KCNT2: variants seen among roughly 807,000 people sequenced by gnomAD.
KCNT2 encodes potassium channel subfamily T member 2.
Under a neutral mutation model 153.8 loss-of-function variants are expected in KCNT2, and 67 were observed. The ratio of observed to expected loss-of-function variants is 0.44; its 90% CI spans 0.36 to 0.53. The LOEUF (loss-of-function observed/expected upper bound fraction) is 0.53. Ranked by LOEUF, KCNT2 falls within the 20% of genes least tolerant of loss-of-function variation. The pLI, the probability that KCNT2 is intolerant of heterozygous loss-of-function variation, is 0.00. For synonymous variants in KCNT2, 500 were observed against 458.8 expected, an observed-to-expected ratio of 1.09 and a Z score of -1.15; for missense variants, 975 against 1,354.8, an observed-to-expected ratio of 0.72 and a Z score of 4.40.
At position 196,329,879 on chromosome 1, in the gene KCNT2, A is replaced by ATGTGTGTG. The variant is rs57881763; in HGVS notation, c.2103+1269_2103+1276dup. Among the ~76,000 whole-genome samples the ATGTGTGTG allele has an allele frequency of 6.4e-5, 8 of 124,788 alleles. 1 individual carries two copies. The highest frequency in any genetic ancestry group is 2.2e-4 in the African/African-American group (7 of 31,210). The allele number at this position is 124,788 out of a possible 152,430, so 81.9% of individuals were successfully genotyped here. A position where few individuals can be genotyped will look rare whatever the true frequency, so the allele number is the denominator to read the frequency against. On this transcript the variant is annotated intron_variant, in intron 18 of 27. Transcript: ENST00000294725. ...TATATATGTGTATATATACACTTAT[A>ATGTGTGTG]TGTGTGTGTGTGTGTGTGTGTGTGT...
chr1:196,593,358 A>G (rs895390159), intron 1 of KCNT2, among the ~76,000 whole-genome samples: 23 of 149,162 alleles, frequency 1.5e-4, no homozygotes, highest in Admixed American at 4.7e-4. Flanking sequence ...ATGTGTATAT[A>G]TGTATTTTTT....
chr1:196,258,252 C>G lies in KCNT2; in HGVS notation c.3153G>C (p.Glu1051Asp). 1 of 1,613,982 alleles carries G rather than the reference C, an allele frequency of 6.2e-7. No homozygotes were observed. Among genetic ancestry groups the G allele is most frequent in the Non-Finnish European group, 8.5e-7 (1 of 1,179,892 alleles). The change falls in exon 26 of 28, where the codon GAG (glutamate) becomes GAC (aspartate). Residue 1051 changes from glutamate to aspartate, a missense_variant. By Grantham distance (45) the Glu-to-Asp change is conservative. This residue lies in a region of KCNT2 where 241 missense variants were observed against 271.1 expected (regional missense o/e 0.89). Coordinates refer to ENST00000294725, the MANE Select transcript of KCNT2 (RefSeq NM_198503.5). ...TTCTATTTTTCACAAGTTCAGCAAG[C>G]TCTTGTCTTTCTGACCTCCTGTAGA... Reference protein sequence around the residue: ...LNLYRRSERQELAELVKNRMK... With the variant: ...LNLYRRSERQDLAELVKNRMK...
At chr1:196,606,721 A>G (rs1261041019) in intron 1 of KCNT2, among the ~76,000 whole-genome samples, 1 of 152,202 alleles carries the variant, frequency 6.6e-6, no homozygotes, top group Non-Finnish European at 1.5e-5. Context: ...TGTTTAATCT[A>G]TCTCACACTT....
chr1:196,308,354 G>C (rs966721684), intron 21 of KCNT2, among the ~76,000 whole-genome samples: 1 of 151,924 alleles, frequency 6.6e-6, no homozygotes, highest in African/African-American at 2.4e-5. Flanking sequence ...TATCTTTTCA[G>C]TGTCTTTAGA....
intron 22 of KCNT2, among the ~76,000 whole-genome samples, chr1:196,293,016 C>T (rs868370490): frequency 6.6e-6 from 1 of 151,188 alleles, no homozygotes; most frequent in African/African-American, 2.4e-5. Flanking sequence ...AAAACCAGTC[C>T]CATTCACAAT....
chr1:196,554,980 A>G (rs1430219662), intron 1 of KCNT2, among the ~76,000 whole-genome samples: 1 of 151,218 alleles, frequency 6.6e-6, no homozygotes, highest in Admixed American at 6.6e-5. Context: ...GACACAGGGA[A>G]CAAACTTCAA....
At chr1:196,360,634 A>C (rs748126930) in intron 14 of KCNT2, among the ~76,000 whole-genome samples, 3 of 151,626 alleles carry the variant, frequency 2.0e-5, no homozygotes, top group African/African-American at 4.9e-5. Flanking sequence ...GTGTCTTCCG[A>C]AGAAGAGGAA....
chr1:196,457,915 C>T (rs1676818522), intron 8 of KCNT2, among the ~76,000 whole-genome samples: 1 of 151,786 alleles, frequency 6.6e-6, no homozygotes, highest in Admixed American at 6.6e-5. Flanking sequence ...GATTTGAGCT[C>T]TTTGCAGTGA....
At chr1:196,571,647 T>G (rs915503670) in intron 1 of KCNT2, among the ~76,000 whole-genome samples, 1 of 152,102 alleles carries the variant, frequency 6.6e-6, no homozygotes, top group Non-Finnish European at 1.5e-5. Flanking sequence ...AATCATGCCC[T>G]AATGCATATC....
At chr1:196,469,153 T>G in intron 5 of KCNT2, 85 bp from the exon 6 acceptor site, 11 of 742,482 alleles carry the variant, frequency 1.5e-5, no homozygotes, top group Admixed American at 2.2e-5. Flanking sequence ...AGAATTTCTC[T>G]AGCAATAAGG....
chr1:196,530,438 T>C (rs940006309), intron 1 of KCNT2, among the ~76,000 whole-genome samples: 8 of 152,044 alleles, frequency 5.3e-5, no homozygotes, highest in African/African-American at 1.9e-4. Flanking sequence ...AATAGTATTG[T>C]AATCACAAAT....
At chr1:196,267,691 T>G (rs1265952087) in intron 25 of KCNT2, among the ~76,000 whole-genome samples, 1 of 152,180 alleles carries the variant, frequency 6.6e-6, no homozygotes, top group East Asian at 1.9e-4. Context: ...CAGCAACTGC[T>G]GGTTGCATAC....
intron 19 of KCNT2, among the ~76,000 whole-genome samples, chr1:196,320,448 C>A (rs902656715): frequency 1.3e-5 from 2 of 151,666 alleles, no homozygotes. Context: ...TCTGTAAAAA[C>A]AAACAATATG....
rs1028686047 is a variant in KCNT2 at position 196,608,440 on chromosome 1, G to T, written c.-131C>A. ...CGAGAGAGGGATGGGAGAAGGGGAA[G>T]GGGACAGGGAGGGGGAGGGGGTCCG... On this transcript the variant is annotated 5_prime_UTR_variant, in exon 1 of 28. Coordinates refer to ENST00000294725, the MANE Select transcript of KCNT2 (RefSeq NM_198503.5). The T allele has an allele frequency of 1.5e-5, 11 of 717,952 alleles. No homozygotes were observed. Among genetic ancestry groups the T allele is most frequent in the Non-Finnish European group, 2.7e-5 (11 of 409,210 alleles). The allele number at this position is 717,952 out of a possible 1,614,324, so 44.5% of individuals were successfully genotyped here.
chr1:196,255,096 A>G (rs1229683334), intron 26 of KCNT2, among the ~76,000 whole-genome samples: 1 of 151,684 alleles, frequency 6.6e-6, no homozygotes, highest in Non-Finnish European at 1.5e-5. Context: ...CATAAAATCC[A>G]TCAATAGATA....
In KCNT2 at chr1:196,326,783, A is replaced by T; in HGVS notation, c.2210T>A (p.Val737Asp). The change falls in exon 19 of 28, where the codon GTT becomes GAT. Residue 737 changes from valine to aspartate, a missense_variant. Physicochemically the swap from Val to Asp is radical, Grantham distance 152. Around this residue, in one of 6 missense-constraint regions of KCNT2, gnomAD observed 325 missense variants for 388.1 expected, o/e 0.84. Transcript: ENST00000294725. ...TAGNGLYNFI[V>D]PLRAYYRPKK... is the part of the protein sequence containing the mutation. Reference sequence around the variant, plus strand: ...TGGTCTATAATATGCCCTGAGAGGAACAATAAAGTTATATAATCCATTTCC... The same window carrying T: ...TGGTCTATAATATGCCCTGAGAGGATCAATAAAGTTATATAATCCATTTCC... 6.3e-7 allele frequency: 1 copy of T among 1,583,550 alleles called. No homozygotes were observed. Among genetic ancestry groups the T allele is most frequent in the Non-Finnish European group, 8.6e-7 (1 of 1,166,800 alleles).
intron 12 of KCNT2, among the ~76,000 whole-genome samples, chr1:196,400,101 A>C (rs953564190): frequency 4.0e-5 from 6 of 151,826 alleles, no homozygotes; most frequent in Admixed American, 3.3e-4. Context: ...TGTTCCTTAC[A>C]GGCAAATATT....
chr1:196,396,318 G>A (rs1202623813), intron 13 of KCNT2, among the ~76,000 whole-genome samples: 2 of 151,660 alleles, frequency 1.3e-5, no homozygotes, highest in African/African-American at 2.4e-5. Context: ...ATTGGTCAAA[G>A]CAAATCACAA....
chr1:196,484,850 GA>G (rs947037304), intron 3 of KCNT2, among the ~76,000 whole-genome samples: 4 of 152,056 alleles, frequency 2.6e-5, no homozygotes, highest in African/African-American at 9.7e-5. Flanking sequence ...CTGTTGGTGA[GA>G]ATGTAAATTA....
Sources: allele counts gnomAD v4.1 joint callset (sites outside exome capture counted in the v4.1 genomes callset), GRCh38; gene constraint gnomAD v4.1.1; regional missense constraint gnomAD v4.1.1; transcripts MANE v1.5; gene names NCBI Gene and HGNC (gene_info 2026-07-23, HGNC 2026-07-21).